Variants in CXADR observed in about 807,000 individuals in gnomAD.
The protein encoded by CXADR is CXADR cell adhesion molecule.
In CXADR, 20 loss-of-function variants were observed where a neutral mutation model predicts 40.3. That is an observed-to-expected ratio of 0.50 (90% CI 0.35 to 0.72). The LOEUF (loss-of-function observed/expected upper bound fraction) is 0.72, where lower values mean the gene tolerates loss of function less well. Ranked by LOEUF, CXADR falls within the 30% of genes least tolerant of loss-of-function variation. The probability of loss-of-function intolerance (pLI) is 0.01; values close to 1 mark genes in which losing one functional copy is unlikely to be tolerated. For missense variants in CXADR, 332 were observed against 449.1 expected (o/e 0.74, Z 2.36); for synonymous variants, 150 against 161.3 (o/e 0.93, Z 0.53).
chr21:17,546,466 T>C (rs2060898055), intron 1 of CXADR, among the ~76,000 whole-genome samples: 1 of 152,174 alleles, frequency 6.6e-6, no homozygotes, highest in Admixed American at 6.5e-5. Context: ...AAACTTACAA[T>C]CATGGCAGAA....
downstream of CXADR, among the ~76,000 whole-genome samples, chr21:17,574,409 A>T (rs2824371): frequency 0.072 from 10,885 of 152,184 alleles, 1,254 homozygotes; most frequent in African/African-American, 0.24. Flanking sequence ...TTAACAGTGA[A>T]TGGATTGGTC....
At chr21:17,514,685 G>A (rs147018713) in intron 1 of CXADR, among the ~76,000 whole-genome samples, 4,504 of 151,322 alleles carry the variant, frequency 0.03, 241 homozygotes, top group African/African-American at 0.1. Flanking sequence ...ACAGGCTGGA[G>A]TGCAATGGCG....
chr21:17,559,896 C>T (rs1484096798), intron 4 of CXADR, among the ~76,000 whole-genome samples: 2 of 151,594 alleles, frequency 1.3e-5, no homozygotes, highest in African/African-American at 4.8e-5. Context: ...CCACACTGGT[C>T]TCAAACTCCT....
At chr21:17,524,043 CGTGTGTGT>C (rs200561495) in intron 1 of CXADR, among the ~76,000 whole-genome samples, 1 of 144,718 alleles carries the variant, frequency 6.9e-6, no homozygotes. Flanking sequence ...TGTGTGTGTG[CGTGTGTGT>C]GTGTGTGTGT....
At chr21:17,630,650 C>CTTTTTTTTTTTTTT in the CXADR span, among the ~76,000 whole-genome samples, 11 of 116,942 alleles carry the variant, frequency 9.4e-5, no homozygotes, top group East Asian at 4.9e-4. Flanking sequence ...CTTCCTTCTT[C>CTTTTTTTTTTTTTT]TTTTTTTTTT....
At chr21:17,595,188 T>G (rs1293181655), downstream of CXADR, among the ~76,000 whole-genome samples, 3 of 152,022 alleles carry the variant, frequency 2.0e-5, no homozygotes, top group African/African-American at 7.2e-5. Flanking sequence ...GCACGTCAGG[T>G]TCACATTATT....
rs899509385 is a variant in CXADR at position 17,561,425 on chromosome 21, G to T, written c.782G>T (p.Arg261Leu). 1 of 1,612,032 alleles carries T rather than the reference G, an allele frequency of 6.2e-7. No homozygotes were observed. Among genetic ancestry groups the T allele is most frequent in the South Asian group, 1.1e-5 (1 of 90,738 alleles). The stretch of plus-strand genomic sequence containing the variant: ...ATTGGTCTTATCATCTTTTGCTGTC[G>T]TAAAAAGCGCAGAGAAGAAAAATAT... ...ALIGLIIFCC[R>L]KKRREEKYEK... is the part of the protein sequence containing the mutation. The change falls in exon 6 of 7, where the codon CGT (arginine) becomes CTT (leucine). Residue 261 changes from arginine (R) to leucine (L), a missense_variant. Physicochemically the swap from Arg to Leu is moderately radical, Grantham distance 102. Coordinates refer to ENST00000284878, the MANE Select transcript of CXADR (RefSeq NM_001338.5).
the CXADR span, among the ~76,000 whole-genome samples, chr21:17,626,110 G>T: frequency 6.6e-6 from 1 of 152,050 alleles, no homozygotes; most frequent in East Asian, 1.9e-4. Context: ...CAGTCTTTTC[G>T]GTTTCCTATG....
chr21:17,613,800 G>A, the CXADR span: 1 of 152,168 alleles, frequency 6.6e-6, no homozygotes, highest in Non-Finnish European at 1.5e-5. Flanking sequence ...TTTTGTGAAA[G>A]CACTTTAATA....
intron 7 of CXADR, among the ~76,000 whole-genome samples, chr21:17,581,817 C>T (rs1014418506): frequency 4.9e-3 from 1 of 206 alleles, no homozygotes; most frequent in African/African-American, 0.014. Flanking sequence ...GCAACTCCAG[C>T]CTGGGGTGAC....
chr21:17,563,947 A>AAG (rs1347297826), intron 6 of CXADR, among the ~76,000 whole-genome samples: 4 of 147,756 alleles, frequency 2.7e-5, no homozygotes, highest in Non-Finnish European at 4.5e-5. Flanking sequence ...TCTCAAAAAA[A>AAG]AAAAAAAAAA....
At chr21:17,525,316 A>G (rs576203435) in intron 1 of CXADR, among the ~76,000 whole-genome samples, 1 of 152,352 alleles carries the variant, frequency 6.6e-6, no homozygotes, top group Admixed American at 6.5e-5. Context: ...AGAAGAAACA[A>G]CATAACTAAT....
At chr21:17,588,506 G>A (rs1002499401) in intron 7 of CXADR, among the ~76,000 whole-genome samples, 8 of 152,070 alleles carry the variant, frequency 5.3e-5, no homozygotes, top group African/African-American at 1.9e-4. Context: ...ATTGTGAATG[G>A]GAGTTCACTC....
At chr21:17,622,738 A>C in the CXADR span, among the ~76,000 whole-genome samples, 1 of 152,174 alleles carries the variant, frequency 6.6e-6, no homozygotes, top group African/African-American at 2.4e-5. Flanking sequence ...TTTTGTTTGT[A>C]ATTGTAGACT....
downstream of CXADR, chr21:17,598,548 G>T: frequency 7.4e-7 from 1 of 1,343,938 alleles, no homozygotes; most frequent in Non-Finnish European, 1.0e-6. Flanking sequence ...GCAATGCCAA[G>T]TAGGACTACC....
chr21:17,522,480 A>G (rs11911575), intron 1 of CXADR, among the ~76,000 whole-genome samples: 3,089 of 152,230 alleles, frequency 0.02, 111 homozygotes, highest in African/African-American at 0.068. Context: ...ATTTCTGGAA[A>G]AAATAGCCTG....
chr21:17,609,280 CT>C, the CXADR span: 1 of 901,006 alleles, frequency 1.1e-6, no homozygotes, highest in Non-Finnish European at 1.6e-6. Context: ...ATTTCTTTGG[CT>C]TATATCTGAA....
intron 1 of CXADR, among the ~76,000 whole-genome samples, chr21:17,541,774 G>C (rs6517779): frequency 0.2 from 30,535 of 151,810 alleles, 3,161 homozygotes; most frequent in East Asian, 0.23. Flanking sequence ...GACTTGGTAT[G>C]CAATACTACA....
chr21:17,518,582 C>G, intron 1 of CXADR: 1 of 1,259,748 alleles, frequency 7.9e-7, no homozygotes, highest in Non-Finnish European at 1.2e-6. Flanking sequence ...ACATCATCAT[C>G]CTCCTCATCA....
Sources: gnomAD v4.1 joint callset for allele counts (sites outside exome capture counted in the v4.1 genomes callset) on GRCh38, gnomAD v4.1.1 for gene constraint, MANE v1.5 for transcripts, NCBI Gene and HGNC (gene_info 2026-07-23, HGNC 2026-07-21) for gene names.